Variants in KHK observed in about 807,000 individuals in gnomAD.
KHK encodes ketohexokinase, also known as fructokinase.
A neutral mutation model predicts 36.0 loss-of-function variants in KHK; 37 were observed. The observed-to-expected ratio is 1.03, with a 90% confidence interval of 0.79 to 1.35. The LOEUF (loss-of-function observed/expected upper bound fraction) is 1.35. Ranked by LOEUF, KHK falls within the 40% of genes most tolerant of loss-of-function variation. KHK has a pLI of 0.00. For synonymous variants in KHK, 161 were observed against 162.8 expected (o/e 0.99, Z 0.08); for missense variants, 395 against 391.9 (o/e 1.01, Z -0.07).
intron 2 of KHK, among the ~76,000 whole-genome samples, chr2:27,093,376 A>G (rs781629480): frequency 1.3e-4 from 20 of 152,148 alleles, no homozygotes; most frequent in Non-Finnish European, 2.5e-4. Context: ...TAGAGGCAGG[A>G]CTGTGGCTCT....
Position 27,099,530 on chromosome 2 carries a change from G to C in KHK, c.764G>C (p.Gly255Ala), listed in dbSNP as rs2148371236. Residue 255 changes from glycine to alanine, a missense_variant, in exon 7 of 8, where the codon GGA (glycine) becomes GCA (alanine). Gly to Ala is a moderately conservative substitution (Grantham distance 60). Transcript: ENST00000260598. The stretch of plus-strand genomic sequence containing the variant: ...CCACCCCGCGTGGTGGATACACTGG[G>C]AGCTGGAGACACCTTCAATGCCTCC... ...FPPPRVVDTL[G>A]AGDTFNASVI... The C allele has an allele frequency of 2.5e-6, 4 of 1,614,170 alleles. No individual in the cohort carries two copies. The East Asian group carries it at 8.9e-5, about 36-fold the overall frequency.
chr2:27,091,719 C>T (rs1433338321), intron 1 of KHK, among the ~76,000 whole-genome samples: 3 of 152,208 alleles, frequency 2.0e-5, no homozygotes, highest in Admixed American at 6.5e-5. Flanking sequence ...AAGCCCTTCA[C>T]GTGTGTCTTG....
intron 5 of KHK, among the ~76,000 whole-genome samples, chr2:27,098,180 G>GGTCCTCAACCTTGTGACTT (rs766390514): frequency 1.3e-5 from 2 of 152,094 alleles, no homozygotes; most frequent in South Asian, 4.1e-4. Context: ...ATCCAGCCAA[G>GGTCCTCAACCTTGTGACTT]GTCCTCAACC....
At chr2:27,093,487 C>A (rs1020724693) in intron 2 of KHK, among the ~76,000 whole-genome samples, 2 of 152,186 alleles carry the variant, frequency 1.3e-5, no homozygotes, top group Non-Finnish European at 2.9e-5. Context: ...AGAGCACCTA[C>A]CATGTCCCAG....
intron 1 of KHK, 143 bp from the exon 2 acceptor site, chr2:27,092,189 C>A: frequency 2.6e-6 from 2 of 764,878 alleles, no homozygotes; most frequent in South Asian, 1.4e-5. Context: ...CCGGCCTCGG[C>A]TGCCCCGGGT....
intron 2 of KHK, 113 bp from the exon 3 acceptor site, chr2:27,094,685 CTT>C (rs1469059529): frequency 3.2e-5 from 51 of 1,613,112 alleles, no homozygotes; most frequent in Admixed American, 5.0e-5. Flanking sequence ...CTCTTCTTCT[CTT>C]AGAGGCTCGT....
Position 27,100,745 on chromosome 2 carries a change from CAT to C in KHK, c.*996_*997del. The stretch of plus-strand genomic sequence containing the variant: ...ATAAAATCATATATAAAATGCCCAG[CAT>C]GATGCCTGATGTGTACAAGGCTCTC... On this transcript the variant is annotated 3_prime_UTR_variant, in exon 8 of 8. Coordinates refer to ENST00000260598, the MANE Select transcript of KHK (RefSeq NM_006488.3). 1 of 1,155,466 alleles carries C rather than the reference CAT, an allele frequency of 8.7e-7. No homozygotes were observed. The highest frequency in any genetic ancestry group is 1.6e-5 in the South Asian group (1 of 62,184). 71.6% of individuals were successfully genotyped at this position (1,155,466 alleles called of 1,614,324 possible).
At chr2:27,096,623 C>T in intron 3 of KHK, 106 bp from the exon 4 acceptor site, 2 of 872,582 alleles carry the variant, frequency 2.3e-6, no homozygotes, top group Admixed American at 1.7e-5. Flanking sequence ...TCCTGTCATG[C>T]TGCCAGCAGT....
intron 1 of KHK, among the ~76,000 whole-genome samples, chr2:27,090,452 C>CTTTTTTTTTTTTTTT (rs559420015): frequency 2.7e-5 from 3 of 110,126 alleles, no homozygotes; most frequent in East Asian, 2.7e-4. Context: ...TTTTTTCTTT[C>CTTTTTTTTTTTTTTT]TTTTTTTTTT....
chr2:27,086,840 T>C lies in KHK; in HGVS notation c.-420T>C, dbSNP rs1572851441. The C allele has an allele frequency of 6.2e-6, 1 of 161,332 alleles. No individual in the cohort carries two copies. Among genetic ancestry groups the C allele is most frequent in the Admixed American group, 6.2e-5 (1 of 16,130 alleles). 10.0% of individuals were successfully genotyped at this position (161,332 alleles called of 1,614,324 possible). On this transcript the variant is annotated 5_prime_UTR_variant, in exon 1 of 8. Transcript: ENST00000260598. ...CCGGGTCGGGAGTCGGAGACGCAGGTGCAGGAGAGTGCGGGGCAAGTAGCG... is the reference window on the plus strand; with the variant it reads ...CCGGGTCGGGAGTCGGAGACGCAGGCGCAGGAGAGTGCGGGGCAAGTAGCG...
chr2:27,094,806 G>T lies in KHK; in HGVS notation c.216G>T (p.Leu72=). Reference sequence around the variant, plus strand: ...GCCCGGCCTCCACCCTAAGCTTCCTGGTGGCCGACTTCAGGCGGCGGGGCG... The same window carrying T: ...GCCCGGCCTCCACCCTAAGCTTCCTTGTGGCCGACTTCAGGCGGCGGGGCG... ...SMAPGHVADF[L]VADFRRRGVD... The change falls in exon 3 of 8, where the codon CTG becomes CTT. Residue 72 remains leucine, a synonymous_variant. Transcript: ENST00000260598. 1 of 1,614,044 alleles carries T rather than the reference G, an allele frequency of 6.2e-7. No homozygotes were observed. The highest frequency in any genetic ancestry group is 8.5e-7 in the Non-Finnish European group (1 of 1,180,044).
chr2:27,094,467 G>A lies in KHK; in HGVS notation c.210-333G>A, dbSNP rs777180821. On this transcript the variant is annotated intron_variant, in intron 2 of 7. Coordinates refer to ENST00000260598, the MANE Select transcript of KHK (RefSeq NM_006488.3). Reference sequence around the variant, plus strand: ...AACTGCACCCCCTTCGGGTTACTCCGCCCTAGCAGTTTTGTCCTGGATGAC... The same window carrying A: ...AACTGCACCCCCTTCGGGTTACTCCACCCTAGCAGTTTTGTCCTGGATGAC... 26 of 1,612,536 alleles carry A rather than the reference G, an allele frequency of 1.6e-5. No homozygotes were observed. The East Asian group carries it at 2.2e-4, about 14-fold the overall frequency.
intron 2 of KHK, 51 bp from the exon 3 acceptor site, chr2:27,094,749 G>C (rs895977779): frequency 1.2e-6 from 2 of 1,613,872 alleles, no homozygotes; most frequent in Non-Finnish European, 1.7e-6. Flanking sequence ...CCACTTCCAG[G>C]CTCTAATCTG....
Position 27,100,651 on chromosome 2 carries a change from G to A in KHK, c.*901G>A, listed in dbSNP as rs962429819. On this transcript the variant is annotated 3_prime_UTR_variant, in exon 8 of 8. Transcript: ENST00000260598. ...ATCACCTTAGGGTACAGCACTTAAC[G>A]CAATCTGCCTCAATTTCTTCATCTG... 1.8e-5 allele frequency: 19 copies of A among 1,060,450 alleles called. No individual in the cohort carries two copies. The highest frequency in any genetic ancestry group is 6.1e-5 in the East Asian group (1 of 16,362). The allele number at this position is 1,060,450 out of a possible 1,614,324, so 65.7% of individuals were successfully genotyped here.
At position 27,099,512 on chromosome 2, in the gene KHK, G is replaced by A. The variant is rs549772974; in HGVS notation, c.746G>A (p.Arg249His). The change falls in exon 7 of 8, where the codon CGC becomes CAC. Residue 249 changes from arginine to histidine, a missense_variant. Transcript: ENST00000260598. ...CACTCGGATGCTTTCCCGCCACCCC[G>A]CGTGGTGGATACACTGGGAGCTGGA... ...LLHSDAFPPP[R>H]VVDTLGAGDT... 16 of 1,614,142 alleles carry A rather than the reference G, an allele frequency of 9.9e-6. No individual in the cohort carries two copies. Among genetic ancestry groups the A allele is most frequent in the South Asian group, 9.9e-5 (9 of 91,080 alleles).
In KHK at chr2:27,099,555, C is replaced by T. The variant is rs771991153; in HGVS notation, c.789C>T (p.Ser263=). Residue 263 remains serine, a synonymous_variant, in exon 7 of 8, where the codon TCC becomes TCT. Coordinates refer to ENST00000260598, the MANE Select transcript of KHK (RefSeq NM_006488.3). ...TLGAGDTFNA[S]VIFSLSQGRS... ...GAGCTGGAGACACCTTCAATGCCTC[C>T]GTCATCTTCAGCCTCTCCCAGGGTG... 6.5e-5 allele frequency: 105 copies of T among 1,614,022 alleles called. No homozygotes were observed. Among genetic ancestry groups the T allele is most frequent in the Non-Finnish European group, 8.7e-5 (103 of 1,180,032 alleles).
At chr2:27,096,635 C>A in intron 3 of KHK, 94 bp from the exon 4 acceptor site, 1 of 956,442 alleles carries the variant, frequency 1.0e-6, no homozygotes, top group African/African-American at 1.6e-5. Context: ...GCCAGCAGTG[C>A]AGGCACAGGG....
Position 27,099,300 on chromosome 2 carries a change from C to T in KHK, c.653+16C>T, listed in dbSNP as rs767929279. ...TGAGGAAAGGGTGAGCCGGGGAAGC[C>T]AGGAAGGGGCTTTAGAAGGTACAGG... On this transcript the variant is annotated intron_variant, in intron 6 of 7. Transcript: ENST00000260598. 7 of 1,613,796 alleles carry T rather than the reference C, an allele frequency of 4.3e-6. No individual in the cohort carries two copies. The South Asian group carries it at 4.4e-5, about 10-fold the overall frequency.
chr2:27,095,794 T>G (rs1305261639), intron 3 of KHK, among the ~76,000 whole-genome samples: 2 of 152,234 alleles, frequency 1.3e-5, no homozygotes, highest in Non-Finnish European at 2.9e-5. Context: ...GCTTCATATG[T>G]GCAGTGAGTG....
Sources: gnomAD v4.1 joint callset for allele counts (sites outside exome capture counted in the v4.1 genomes callset) on GRCh38, gnomAD v4.1.1 for gene constraint, MANE v1.5 for transcripts, NCBI Gene and HGNC (gene_info 2026-07-23, HGNC 2026-07-21) for gene names.